The following CYP2U1 variants were observed in gnomAD, a reference collection of about 807,000 sequenced individuals.
The protein encoded by CYP2U1 is cytochrome P450 family 2 subfamily U member 1.
A neutral mutation model predicts 42.8 loss-of-function variants in CYP2U1; 28 were observed. That is an observed-to-expected ratio of 0.65 (90% CI 0.48 to 0.90). The LOEUF (loss-of-function observed/expected upper bound fraction) is 0.90, where lower values mean the gene tolerates loss of function less well. Ranked by LOEUF, CYP2U1 falls within the 40% of genes least tolerant of loss-of-function variation. CYP2U1 has a pLI of 0.00. For missense variants in CYP2U1, 642 were observed against 693.8 expected (o/e 0.93, Z 0.84); for synonymous variants, 296 against 278.9 (o/e 1.06, Z -0.61).
Position 107,931,996 on chromosome 4 carries a change from T to TA in CYP2U1, c.353_354insA (p.Phe118LeufsTer77). 6.4e-7 allele frequency: 1 copy of TA among 1,555,010 alleles called. No individual in the cohort carries two copies. On this transcript the variant is annotated frameshift_variant, in exon 1 of 5. Coordinates refer to ENST00000332884, the MANE Select transcript of CYP2U1 (RefSeq NM_183075.3). LOFTEE classifies it high-confidence loss of function. ...CTAGCCCGCGTGTACGGCAGCATCTTCAGCTTCTTTATCGGCCACTACCTG... is the reference window on the plus strand; with the variant it reads ...CTAGCCCGCGTGTACGGCAGCATCTTACAGCTTCTTTATCGGCCACTACCTG...
chr4:107,944,875 T>C, intron 1 of CYP2U1, 95 bp from the exon 2 acceptor site: 3 of 967,632 alleles, frequency 3.1e-6, no homozygotes, highest in Non-Finnish European at 4.2e-6. Context: ...TTTCCATAAG[T>C]GACTTGAAAA....
intron 1 of CYP2U1, among the ~76,000 whole-genome samples, chr4:107,937,000 C>T (rs903361754): frequency 4.7e-5 from 7 of 149,390 alleles, no homozygotes; most frequent in Middle Eastern, 6.9e-3. Flanking sequence ...ACCACAAGTG[C>T]TTGTAGGACA....
rs1206979913 is a variant in CYP2U1 at position 107,931,661 on chromosome 4, G to A, written c.18G>A (p.Pro6=). 6 of 1,258,928 alleles carry A rather than the reference G, an allele frequency of 4.8e-6. No individual in the cohort carries two copies. The highest frequency in any genetic ancestry group is 6.3e-5 in the South Asian group (2 of 31,912). 78.0% of individuals were successfully genotyped at this position (1,258,928 alleles called of 1,614,324 possible). Residue 6 remains proline, a synonymous_variant, in exon 1 of 5, where the codon CCG becomes CCA. Transcript: ENST00000332884. MSSPG[P]SQPPAEDPPW... is the part of the protein sequence containing the mutation. ...CCCGGACCATGTCGTCTCCGGGGCC[G>A]TCGCAGCCGCCGGCCGAGGACCCGC...
At chr4:107,937,763 C>A (rs2126194100) in intron 1 of CYP2U1, 1 of 152,242 alleles carries the variant, frequency 6.6e-6, no homozygotes, top group Non-Finnish European at 1.5e-5. Context: ...CCTCAGCCTC[C>A]CAAATTGCTG....
In CYP2U1 at chr4:107,940,803, G is replaced by A. The variant is rs1214176022; in HGVS notation, c.491-4167G>A. The A allele has an allele frequency of 5.3e-5, 8 of 152,024 alleles. 2 individuals are homozygous for A. In the South Asian group the frequency reaches 1.2e-3, roughly 24 times the overall value. The allele number at this position is 152,024 out of a possible 1,614,324, so 9.4% of individuals were successfully genotyped here. ...ACCTAAAGGAAGATGAGAAGGAAGG[G>A]GGAAAAGAATGAATAAAGCAGATAA... On this transcript the variant is annotated intron_variant, in intron 1 of 4. Coordinates refer to ENST00000332884, the MANE Select transcript of CYP2U1 (RefSeq NM_183075.3).
chr4:107,942,986 C>A (rs2126197513), intron 1 of CYP2U1, among the ~76,000 whole-genome samples: 1 of 152,116 alleles, frequency 6.6e-6, no homozygotes, highest in African/African-American at 2.4e-5. Flanking sequence ...CTTAAAAAAT[C>A]AGATGATAAA....
At chr4:107,944,862 A>ATATATATATATATAT (rs1161696711) in intron 1 of CYP2U1, 108 bp from the exon 2 acceptor site, 1 of 441,874 alleles carries the variant, frequency 2.3e-6, no homozygotes, top group Non-Finnish European at 3.5e-6. Context: ...TTATATGAGG[A>ATATATATATATATAT]ATTTTCCATA....
Position 107,934,842 on chromosome 4 carries a change from C to T in CYP2U1, c.490+2709C>T, listed in dbSNP as rs141125801. Among the ~76,000 whole-genome samples the T allele has an allele frequency of 1.5e-3, 231 of 152,332 alleles. 1 individual carries two copies. The highest frequency in any genetic ancestry group is 5.3e-3 in the African/African-American group (220 of 41,584). ...TCAGGCCTCTCAGGCCAATTGTTACCTTTCAGTGCTATTTTGGTCAATGCC... is the reference window on the plus strand; with the variant it reads ...TCAGGCCTCTCAGGCCAATTGTTACTTTTCAGTGCTATTTTGGTCAATGCC... On this transcript the variant is annotated intron_variant, in intron 1 of 4. Transcript: ENST00000332884.
At chr4:107,949,329 A>G (rs1394652323) in intron 3 of CYP2U1, 21 bp from the exon 4 acceptor site, 1 of 1,486,028 alleles carries the variant, frequency 6.7e-7, no homozygotes, top group East Asian at 2.4e-5. Flanking sequence ...AATAACACCC[A>G]TATGTTTCCT....
rs1450723561 is a variant in CYP2U1 at position 107,951,979 on chromosome 4, T to A, written c.*1556T>A. 1.3e-5 allele frequency: 2 copies of A among 152,246 alleles called. No individual in the cohort carries two copies. The highest frequency in any genetic ancestry group is 2.9e-5 in the Non-Finnish European group (2 of 68,060). The allele number at this position is 152,246 out of a possible 1,614,324, so 9.4% of individuals were successfully genotyped here. A position where few individuals can be genotyped will look rare whatever the true frequency, so the allele number is the denominator to read the frequency against. On this transcript the variant is annotated 3_prime_UTR_variant, in exon 5 of 5. Coordinates refer to ENST00000332884, the MANE Select transcript of CYP2U1 (RefSeq NM_183075.3). ...AACACTTTCAGAACCACTTCTTGAT[T>A]CTGCCACCACTTGATCCCATAACAG... is the stretch of plus-strand genomic sequence containing the variant.
intron 1 of CYP2U1, among the ~76,000 whole-genome samples, chr4:107,932,906 C>T (rs1733087515): frequency 6.6e-6 from 1 of 152,194 alleles, no homozygotes; most frequent in African/African-American, 2.4e-5. Flanking sequence ...AAGCACTTTT[C>T]CTTCACTACA....
chr4:107,945,508 TTA>T lies in CYP2U1; in HGVS notation c.1033_1034del (p.Ile345HisfsTer10), dbSNP rs1578729121. The part of the protein sequence containing the change: ...NSSFDEEYLF[Y>X]IIGDLFIAGT... ...GCAGTTTTGATGAAGAGTACTTATT[TTA>T]TATCATTGGGGATCTCTTTATTGCT... is the stretch of plus-strand genomic sequence containing the variant. On this transcript the variant is annotated frameshift_variant, in exon 2 of 5. Transcript: ENST00000332884. LOFTEE classifies it high-confidence loss of function. 1 of 1,614,062 alleles carries T rather than the reference TTA, an allele frequency of 6.2e-7. No homozygotes were observed. Among genetic ancestry groups the T allele is most frequent in the Admixed American group, 1.7e-5 (1 of 60,014 alleles).
rs761575210 is a variant in CYP2U1, at chr4:107,932,095, C to A, written c.452C>A (p.Pro151Gln). 2 of 1,599,248 alleles carry A rather than the reference C, an allele frequency of 1.3e-6. No individual in the cohort carries two copies. Among genetic ancestry groups the A allele is most frequent in the East Asian group, 2.3e-5 (1 of 43,872 alleles). The stretch of plus-strand genomic sequence containing the variant: ...CAGGCCGAGGTCTTCAGCGACCGCC[C>A]GCGGGTGCCGCTCATCTCCATCGTG... Reference protein sequence around the residue: ...VQQAEVFSDRPRVPLISIVTK... With the variant: ...VQQAEVFSDRQRVPLISIVTK... The change falls in exon 1 of 5, where the codon CCG becomes CAG. Residue 151 changes from proline (P) to glutamine (Q), a missense_variant. By Grantham distance (76) the Pro-to-Gln change is moderately conservative. Transcript: ENST00000332884.
At position 107,951,953 on chromosome 4, in the gene CYP2U1, GAACAC is replaced by G. The variant is rs1733923367; in HGVS notation, c.*1531_*1535del. 6.6e-6 allele frequency: 1 copy of G among 152,172 alleles called. No individual in the cohort carries two copies. The highest frequency in any genetic ancestry group is 2.4e-5 in the African/African-American group (1 of 41,428). 9.4% of individuals were successfully genotyped at this position (152,172 alleles called of 1,614,324 possible). On this transcript the variant is annotated 3_prime_UTR_variant, in exon 5 of 5. Transcript: ENST00000332884. ...AAACCTACTGGTCTCTGTGACTAAA[GAACAC>G]TTTCAGAACCACTTCTTGATTCTGC...
chr4:107,932,975 CACT>C, intron 1 of CYP2U1, among the ~76,000 whole-genome samples: 1 of 152,304 alleles, frequency 6.6e-6, no homozygotes, highest in Middle Eastern at 3.4e-3. Flanking sequence ...CAGTCTTCAC[CACT>C]GTTCTGACAT....
At position 107,931,802 on chromosome 4, in the gene CYP2U1, G is replaced by A. The variant is rs762434691; in HGVS notation, c.159G>A (p.Arg53=). 1.3e-6 allele frequency: 2 copies of A among 1,513,806 alleles called. No individual in the cohort carries two copies. Among genetic ancestry groups the A allele is most frequent in the Non-Finnish European group, 1.8e-6 (2 of 1,132,048 alleles). 93.8% of individuals were successfully genotyped at this position (1,513,806 alleles called of 1,614,324 possible). Residue 53 remains arginine, a synonymous_variant, in exon 1 of 5, where the codon AGG becomes AGA. Coordinates refer to ENST00000332884, the MANE Select transcript of CYP2U1 (RefSeq NM_183075.3). ...VALLGWSWLR[R]RRARGIPPGP... is the part of the protein sequence containing the mutation. The stretch of plus-strand genomic sequence containing the variant: ...TGCTGGGCTGGAGCTGGCTGCGGAG[G>A]CGCCGGGCGCGGGGCATCCCGCCCG...
At chr4:107,943,251 C>T (rs373545631) in intron 1 of CYP2U1, among the ~76,000 whole-genome samples, 26 of 152,192 alleles carry the variant, frequency 1.7e-4, no homozygotes, top group Admixed American at 2.6e-4. Context: ...TCTGTGAACA[C>T]GCTTTCAGAG....
chr4:107,948,190 C>T (rs1213067614), intron 3 of CYP2U1, among the ~76,000 whole-genome samples: 16 of 137,560 alleles, frequency 1.2e-4, no homozygotes, highest in African/African-American at 2.7e-5. Flanking sequence ...ATCGCTTGGA[C>T]CTGGGAGGTT....
At chr4:107,942,239 C>G (rs1013968205) in intron 1 of CYP2U1, among the ~76,000 whole-genome samples, 1 of 152,138 alleles carries the variant, frequency 6.6e-6, no homozygotes. Flanking sequence ...AACCCAAGCC[C>G]TCCCAGGAGA....
Sources: gnomAD v4.1 joint callset for allele counts (sites outside exome capture counted in the v4.1 genomes callset) on GRCh38, gnomAD v4.1.1 for gene constraint, MANE v1.5 for transcripts, NCBI Gene and HGNC (gene_info 2026-07-23, HGNC 2026-07-21) for gene names.